MAN1C1: variants seen among roughly 807,000 people sequenced by gnomAD.
The protein encoded by MAN1C1 is mannosidase alpha class 1C member 1, also known as mannosyl-oligosaccharide 1,2-alpha-mannosidase IC.
In MAN1C1, 49 loss-of-function variants were observed where a neutral mutation model predicts 71.5. That is an observed-to-expected ratio of 0.69 (90% CI 0.54 to 0.87). MAN1C1 has a LOEUF of 0.87. Ranked by LOEUF, MAN1C1 falls within the 40% of genes least tolerant of loss-of-function variation. MAN1C1 has a pLI of 0.00. For missense variants in MAN1C1, 743 were observed against 835.0 expected (o/e 0.89, Z 1.36); for synonymous variants, 352 against 343.7 (o/e 1.02, Z -0.27).
intron 1 of MAN1C1, among the ~76,000 whole-genome samples, chr1:25,660,355 C>A (rs372535793): frequency 3.3e-5 from 5 of 149,368 alleles, no homozygotes; most frequent in Admixed American, 1.3e-4. Flanking sequence ...GAGCTGAGAT[C>A]GCGCCATTGC....
At chr1:25,648,098 T>A (rs1388789931) in intron 1 of MAN1C1, among the ~76,000 whole-genome samples, 2 of 152,220 alleles carry the variant, frequency 1.3e-5, no homozygotes, top group Non-Finnish European at 2.9e-5. Context: ...AGAGGCTTCC[T>A]TTGGGGCATG....
chr1:25,757,572 C>G lies in MAN1C1; in HGVS notation c.930-1020C>G, dbSNP rs568574035. 4.6e-5 allele frequency among the ~76,000 whole-genome samples: 7 copies of G among 152,346 alleles called. No homozygotes were observed. The South Asian group carries it at 1.4e-3, about 32-fold the overall frequency. On this transcript the variant is annotated intron_variant, in intron 5 of 11. Transcript: ENST00000374332. The stretch of plus-strand genomic sequence containing the variant: ...CTTTTCCTCTTTATTCCCACAAAAG[C>G]CCAGGAAGGAGGAGGCATGAACCTA...
At chr1:25,677,755 T>C (rs79135498) in intron 1 of MAN1C1, among the ~76,000 whole-genome samples, 124 of 152,180 alleles carry the variant, frequency 8.1e-4, no homozygotes, top group African/African-American at 2.8e-3. Flanking sequence ...TAAAATTCTC[T>C]TTGACTCTGG....
At chr1:25,633,205 T>C (rs182858213) in intron 1 of MAN1C1, among the ~76,000 whole-genome samples, 2 of 152,338 alleles carry the variant, frequency 1.3e-5, no homozygotes, top group East Asian at 3.9e-4. Flanking sequence ...ACTTGTTTTG[T>C]GTCCTATCAT....
intron 1 of MAN1C1, chr1:25,646,015 A>G (rs910618383): frequency 6.6e-6 from 1 of 152,332 alleles, no homozygotes; most frequent in African/African-American, 2.4e-5. Context: ...AGGTCTGCCT[A>G]TCCCCCAGGG....
In MAN1C1 at chr1:25,678,090, G is replaced by A. The variant is rs537541154; in HGVS notation, c.541-8350G>A. ...GATAGAAATCACTAAACTTCTATCA[G>A]ACATAACCGCTGTTAAGAATTTGGT... On this transcript the variant is annotated intron_variant, in intron 1 of 11. Coordinates refer to ENST00000374332, the MANE Select transcript of MAN1C1 (RefSeq NM_020379.4). Among the ~76,000 whole-genome samples, 321 of 152,120 alleles carry A rather than the reference G, an allele frequency of 2.1e-3. 3 individuals are homozygous for A. Among genetic ancestry groups the A allele is most frequent in the South Asian group, 6.6e-3 (32 of 4,824 alleles).
At chr1:25,679,227 A>T (rs1341374414) in intron 1 of MAN1C1, among the ~76,000 whole-genome samples, 1 of 152,212 alleles carries the variant, frequency 6.6e-6, no homozygotes, top group Admixed American at 6.5e-5. Flanking sequence ...CAGAACCACC[A>T]AAGGAGCCTT....
chr1:25,754,197 C>T (rs1438701048), intron 5 of MAN1C1, among the ~76,000 whole-genome samples: 1 of 152,182 alleles, frequency 6.6e-6, no homozygotes, highest in Non-Finnish European at 1.5e-5. Context: ...GGCCCTCCAA[C>T]AATCCCGACG....
chr1:25,774,425 C>T lies in MAN1C1; in HGVS notation c.1257+2653C>T, dbSNP rs75138843. Among the ~76,000 whole-genome samples, 113 of 152,292 alleles carry T rather than the reference C, an allele frequency of 7.4e-4. 1 individual carries two copies. In the East Asian group the frequency reaches 0.018, roughly 24 times the overall value. Reference sequence around the variant, plus strand: ...GTCCATATAGCAACAAGTGTCAGAGCCAGGACACAAACACGGGTCTGACTC... The same window carrying T: ...GTCCATATAGCAACAAGTGTCAGAGTCAGGACACAAACACGGGTCTGACTC... On this transcript the variant is annotated intron_variant, in intron 8 of 11. Coordinates refer to ENST00000374332, the MANE Select transcript of MAN1C1 (RefSeq NM_020379.4).
intron 1 of MAN1C1, among the ~76,000 whole-genome samples, chr1:25,647,907 A>G (rs1417077870): frequency 6.6e-6 from 1 of 152,126 alleles, no homozygotes; most frequent in East Asian, 1.9e-4. Flanking sequence ...GAGGACCAGA[A>G]AGGCTGACGT....
chr1:25,774,254 C>G (rs1212791755), intron 8 of MAN1C1, among the ~76,000 whole-genome samples: 1 of 152,176 alleles, frequency 6.6e-6, no homozygotes, highest in Admixed American at 6.5e-5. Context: ...ACTGGGCACA[C>G]CCCTGAGTGT....
At chr1:25,674,624 A>C (rs139150613) in intron 1 of MAN1C1, among the ~76,000 whole-genome samples, 3 of 152,210 alleles carry the variant, frequency 2.0e-5, no homozygotes, top group Non-Finnish European at 2.9e-5. Context: ...AAGAGGAGGG[A>C]GGAGTTGTCC....
intron 2 of MAN1C1, among the ~76,000 whole-genome samples, chr1:25,719,161 C>T (rs1353533417): frequency 6.7e-6 from 1 of 149,706 alleles, no homozygotes; most frequent in African/African-American, 2.4e-5. Context: ...CAACCTCCAC[C>T]TCCTGGGTTC....
intron 1 of MAN1C1, among the ~76,000 whole-genome samples, chr1:25,639,212 G>C (rs899882469): frequency 6.6e-6 from 1 of 151,902 alleles, no homozygotes; most frequent in Non-Finnish European, 1.5e-5. Flanking sequence ...AATGGTTTTT[G>C]TTTCTCTGAG....
chr1:25,723,150 G>A (rs1275628769), intron 2 of MAN1C1, among the ~76,000 whole-genome samples: 2 of 152,146 alleles, frequency 1.3e-5, no homozygotes, highest in African/African-American at 4.8e-5. Flanking sequence ...GCAAAGGTGG[G>A]CAATCCAAAA....
chr1:25,763,810 C>A, intron 6 of MAN1C1, 64 bp from the exon 7 acceptor site: 2 of 1,322,120 alleles, frequency 1.5e-6, no homozygotes, highest in Non-Finnish European at 2.2e-6. Flanking sequence ...CCATCCTCAG[C>A]AGGCTGGGTG....
chr1:25,740,125 GC>G (rs2047040898), intron 2 of MAN1C1, among the ~76,000 whole-genome samples: 1 of 152,158 alleles, frequency 6.6e-6, no homozygotes, highest in Non-Finnish European at 1.5e-5. Context: ...CGTGCGTGAT[GC>G]CCCTGGTGAT....
At chr1:25,622,126 T>C (rs1374394481) in intron 1 of MAN1C1, among the ~76,000 whole-genome samples, 1 of 152,128 alleles carries the variant, frequency 6.6e-6, no homozygotes, top group East Asian at 1.9e-4. Flanking sequence ...CACTCCAGAG[T>C]GCAGGGCTGG....
chr1:25,620,146 T>C (rs1382792016), intron 1 of MAN1C1, among the ~76,000 whole-genome samples: 6 of 152,176 alleles, frequency 3.9e-5, no homozygotes, highest in African/African-American at 1.4e-4. Context: ...GGGATGATGC[T>C]TGCTGGAGTG....
Sources: allele counts gnomAD v4.1 joint callset (sites outside exome capture counted in the v4.1 genomes callset), GRCh38; gene constraint gnomAD v4.1.1; transcripts MANE v1.5; gene names NCBI Gene and HGNC (gene_info 2026-07-23, HGNC 2026-07-21).